The following TYW1 variants were observed in gnomAD, a reference collection of about 807,000 sequenced individuals.
The protein encoded by TYW1 is tRNA-yW synthesizing protein 1 homolog.
A neutral mutation model predicts 96.2 loss-of-function variants in TYW1; 46 were observed. That is an observed-to-expected ratio of 0.48 (90% CI 0.38 to 0.61). The LOEUF (loss-of-function observed/expected upper bound fraction) is 0.61, where lower values mean the gene tolerates loss of function less well. Ranked by LOEUF, TYW1 falls within the 20% of genes least tolerant of loss-of-function variation. The probability of loss-of-function intolerance (pLI) is 0.00; values close to 1 mark genes in which losing one functional copy is unlikely to be tolerated. For synonymous variants in TYW1, 274 were observed against 323.0 expected (o/e 0.85, Z 1.63); for missense variants, 684 against 909.6 (o/e 0.75, Z 3.19).
chr7:67,208,128 G>A (rs1382778776), intron 15 of TYW1, among the ~76,000 whole-genome samples: 1 of 151,884 alleles, frequency 6.6e-6, no homozygotes, highest in Non-Finnish European at 1.5e-5. Flanking sequence ...AGGAGTTTGA[G>A]ACTAGCCTGG....
At chr7:67,123,512 C>G (rs567311615) in intron 13 of TYW1, among the ~76,000 whole-genome samples, 3 of 152,080 alleles carry the variant, frequency 2.0e-5, no homozygotes, top group Non-Finnish European at 4.4e-5. Flanking sequence ...ATCTTAGGTT[C>G]GTGTTGAGGC....
At chr7:66,997,048 C>T in intron 1 of TYW1, 66 bp downstream of exon 1, 1 of 1,607,258 alleles carries the variant, frequency 6.2e-7, no homozygotes, top group South Asian at 1.1e-5. Flanking sequence ...CTGAGACCCT[C>T]TCCGGGCGGA....
chr7:67,209,659 A>G (rs1474627495), intron 15 of TYW1, among the ~76,000 whole-genome samples: 2 of 151,998 alleles, frequency 1.3e-5, no homozygotes, highest in Non-Finnish European at 2.9e-5. Flanking sequence ...TGCAACCTCC[A>G]TCTCCCGGGT....
At chr7:67,133,832 T>G (rs1221702799) in intron 13 of TYW1, among the ~76,000 whole-genome samples, 2 of 151,582 alleles carry the variant, frequency 1.3e-5, no homozygotes, top group African/African-American at 4.9e-5. Flanking sequence ...TTGTCTAGAC[T>G]CTTAGAATTC....
At chr7:67,053,428 G>A (rs1395352452) in intron 8 of TYW1, among the ~76,000 whole-genome samples, 4 of 145,428 alleles carry the variant, frequency 2.8e-5, no homozygotes, top group Non-Finnish European at 4.5e-5. Context: ...TGCCCAGTCT[G>A]GGGTGCAGTG....
At chr7:67,153,166 A>C (rs372166590) in intron 13 of TYW1, among the ~76,000 whole-genome samples, 1 of 151,876 alleles carries the variant, frequency 6.6e-6, no homozygotes, top group East Asian at 1.9e-4. Flanking sequence ...TTTAAATCTT[A>C]TGTTTATGGG....
rs573870286 is a variant in TYW1, at chr7:67,218,859, T to C, written c.1978-19449T>C. Among the ~76,000 whole-genome samples, 7 of 152,334 alleles carry C rather than the reference T, an allele frequency of 4.6e-5. No homozygotes were observed. The South Asian group carries it at 1.4e-3, about 32-fold the overall frequency. ...CATATCATTTAAAAACAAAAATTGT[T>C]TTACTTTTTCCTCTCCAATTTGGAT... On this transcript the variant is annotated intron_variant, in intron 15 of 15. Coordinates refer to ENST00000359626, the MANE Select transcript of TYW1 (RefSeq NM_018264.4).
chr7:67,035,515 G>A (rs554292708), intron 7 of TYW1, among the ~76,000 whole-genome samples: 1 of 152,260 alleles, frequency 6.6e-6, no homozygotes, highest in East Asian at 1.9e-4. Flanking sequence ...CTACAGATTT[G>A]TTGCGGTCCT....
chr7:67,042,141 TTA>T (rs1795049636), intron 7 of TYW1, among the ~76,000 whole-genome samples: 2 of 147,728 alleles, frequency 1.4e-5, no homozygotes, highest in South Asian at 4.2e-4. Context: ...TCTGATATAA[TTA>T]TATATTATTA....
intron 13 of TYW1, among the ~76,000 whole-genome samples, chr7:67,139,728 G>GGTGTGTGTGTGTGTGTGTGT (rs55993805): frequency 7.2e-5 from 10 of 138,436 alleles, no homozygotes; most frequent in African/African-American, 2.5e-4. Context: ...TGTGTATACA[G>GGTGTGTGTGTGTGTGTGTGT]GTGTGTGTGT....
At position 67,135,971 on chromosome 7, in the gene TYW1, C is replaced by G. The variant is rs184440416; in HGVS notation, c.1698+18353C>G. Among the ~76,000 whole-genome samples the G allele has an allele frequency of 3.4e-3, 512 of 152,322 alleles. 4 individuals carry two copies. The highest frequency in any genetic ancestry group is 0.011 in the African/African-American group (470 of 41,546). On this transcript the variant is annotated intron_variant, in intron 13 of 15. Coordinates refer to ENST00000359626, the MANE Select transcript of TYW1 (RefSeq NM_018264.4). ...AACCTCTTACTAAATTCTGGTACTG[C>G]TAATCCTGAGTATGTATCATCTTAT...
At chr7:67,073,227 G>A (rs1796089332) in intron 10 of TYW1, among the ~76,000 whole-genome samples, 2 of 152,170 alleles carry the variant, frequency 1.3e-5, no homozygotes, top group African/African-American at 4.8e-5. Flanking sequence ...TGTCCCATAC[G>A]GAGATTTGGA....
intron 15 of TYW1, among the ~76,000 whole-genome samples, chr7:67,198,196 A>G (rs1217580460): frequency 9.2e-5 from 14 of 152,104 alleles, no homozygotes; most frequent in Non-Finnish European, 1.6e-4. Context: ...TGTCCTTTAT[A>G]GCATTTCCCC....
chr7:67,061,655 C>T (rs767898727), intron 9 of TYW1, among the ~76,000 whole-genome samples: 3 of 151,996 alleles, frequency 2.0e-5, no homozygotes, highest in Non-Finnish European at 2.9e-5. Flanking sequence ...GGTATATAAC[C>T]GATGTTTATA....
In TYW1 at chr7:67,028,079, T is replaced by C. The variant is rs180784910; in HGVS notation, c.984+3057T>C. On this transcript the variant is annotated intron_variant, in intron 7 of 15. Transcript: ENST00000359626. ...GTGAAACCCCATCTCTACTAAAAAATACAAAAAAAATAAGCTGGGCATAGT... is the reference window on the plus strand; with the variant it reads ...GTGAAACCCCATCTCTACTAAAAAACACAAAAAAAATAAGCTGGGCATAGT... 1.9e-3 allele frequency among the ~76,000 whole-genome samples: 248 copies of C among 134,036 alleles called. 1 individual carries two copies. The highest frequency in any genetic ancestry group is 6.7e-3 in the African/African-American group (238 of 35,422). 87.9% of individuals were successfully genotyped at this position (134,036 alleles called of 152,430 possible). A position where few individuals can be genotyped will look rare whatever the true frequency, so the allele number is the denominator to read the frequency against.
intron 13 of TYW1, among the ~76,000 whole-genome samples, chr7:67,168,236 C>G (rs530208470): frequency 4.2e-4 from 64 of 152,062 alleles, no homozygotes; most frequent in Non-Finnish European, 7.4e-4. Flanking sequence ...AAATAACAAA[C>G]CAAATTCTAT....
At chr7:67,050,206 T>C (rs1795312260) in intron 8 of TYW1, 140 bp downstream of exon 8, 1 of 1,024,500 alleles carries the variant, frequency 9.8e-7, no homozygotes, top group Admixed American at 2.7e-5. Flanking sequence ...TACCTTTTTA[T>C]TTCTGCGGAT....
chr7:67,115,887 T>C (rs1937796418), intron 12 of TYW1, among the ~76,000 whole-genome samples: 1 of 152,140 alleles, frequency 6.6e-6, no homozygotes, highest in Non-Finnish European at 1.5e-5. Flanking sequence ...GTGGAATAAA[T>C]TGTGGAATCC....
At chr7:67,210,669 G>A (rs918744841) in intron 15 of TYW1, among the ~76,000 whole-genome samples, 7 of 145,442 alleles carry the variant, frequency 4.8e-5, no homozygotes, top group African/African-American at 1.0e-4. Flanking sequence ...CCATCCATCC[G>A]TCATCTGTCT....
Sources: allele counts gnomAD v4.1 joint callset (sites outside exome capture counted in the v4.1 genomes callset), GRCh38; gene constraint gnomAD v4.1.1; transcripts MANE v1.5; gene names NCBI Gene and HGNC (gene_info 2026-07-23, HGNC 2026-07-21).